The following ARFGEF2 variants were observed in gnomAD, a reference collection of about 807,000 sequenced individuals.
ARFGEF2 encodes ARF guanine nucleotide exchange factor 2, also known as brefeldin A-inhibited guanine nucleotide-exchange protein 2.
A neutral mutation model predicts 219.9 loss-of-function variants in ARFGEF2; 74 were observed. That is an observed-to-expected ratio of 0.34 (90% CI 0.28 to 0.41). ARFGEF2 has a LOEUF of 0.41. Ranked by LOEUF, ARFGEF2 falls within the 10% of genes least tolerant of loss-of-function variation. ARFGEF2 has a pLI of 1.00. For missense variants in ARFGEF2, 1,743 were observed against 2,218.3 expected, an observed-to-expected ratio of 0.79 and a Z score of 4.30; for synonymous variants, 733 against 799.2, an observed-to-expected ratio of 0.92 and a Z score of 1.40.
chr20:49,015,628 A>G (rs2091525169), intron 30 of ARFGEF2, among the ~76,000 whole-genome samples: 1 of 152,200 alleles, frequency 6.6e-6, no homozygotes, highest in Admixed American at 6.5e-5. Flanking sequence ...GCCTTTTGAT[A>G]CGTACCACTA....
rs930645577 is a variant in ARFGEF2 at position 49,023,148 on chromosome 20, A to C, written c.4722A>C (p.Lys1574Asn). Residue 1574 changes from lysine (K) to asparagine (N), a missense_variant, in exon 35 of 39, where the codon AAA (lysine) becomes AAC (asparagine). Around this residue, in one of 5 missense-constraint regions of ARFGEF2, gnomAD observed 578 missense variants for 664.0 expected, o/e 0.87. Coordinates refer to ENST00000371917, the MANE Select transcript of ARFGEF2 (RefSeq NM_006420.3). ...DNIVFYPATS[K>N]KEDAEHMVAA... Reference sequence around the variant, plus strand: ...TTGTGTTCTACCCTGCGACGAGCAAAAAGGAGGATGCAGAGCACATGGTTG... The same window carrying C: ...TTGTGTTCTACCCTGCGACGAGCAACAAGGAGGATGCAGAGCACATGGTTG... 1 of 1,614,182 alleles carries C rather than the reference A, an allele frequency of 6.2e-7. No individual in the cohort carries two copies. Among genetic ancestry groups the C allele is most frequent in the Non-Finnish European group, 8.5e-7 (1 of 1,180,028 alleles).
At chr20:48,983,803 G>A (rs1318216790) in intron 14 of ARFGEF2, among the ~76,000 whole-genome samples, 1 of 152,110 alleles carries the variant, frequency 6.6e-6, no homozygotes, top group Non-Finnish European at 1.5e-5. Flanking sequence ...GCCCCTATTT[G>A]TATCTTTCAT....
chr20:49,002,105 G>T (rs2091428602), intron 25 of ARFGEF2, among the ~76,000 whole-genome samples: 1 of 152,172 alleles, frequency 6.6e-6, no homozygotes, highest in South Asian at 2.1e-4. Context: ...GGGCGCGGTA[G>T]TGGACGCCTG....
chr20:48,954,517 G>A (rs1457354751), intron 6 of ARFGEF2, among the ~76,000 whole-genome samples: 2 of 152,132 alleles, frequency 1.3e-5, no homozygotes, highest in Admixed American at 6.5e-5. Flanking sequence ...CAAGCAGGTT[G>A]TTCTATACAA....
chr20:48,933,087 C>A (rs1043485467), intron 1 of ARFGEF2, among the ~76,000 whole-genome samples: 1 of 152,094 alleles, frequency 6.6e-6, no homozygotes, highest in East Asian at 1.9e-4. Flanking sequence ...GTGACCCGAG[C>A]GGTAACATCC....
At chr20:48,969,681 C>A (rs962758315) in intron 9 of ARFGEF2, among the ~76,000 whole-genome samples, 6 of 152,178 alleles carry the variant, frequency 3.9e-5, no homozygotes, top group Admixed American at 3.9e-4. Flanking sequence ...GCCCCAGATT[C>A]GACACAGGGA....
At chr20:49,000,709 C>T (rs1479344248) in intron 25 of ARFGEF2, among the ~76,000 whole-genome samples, 1 of 152,224 alleles carries the variant, frequency 6.6e-6, no homozygotes, top group East Asian at 1.9e-4. Context: ...TCCACAAGAT[C>T]ATTTGGCTAG....
intron 3 of ARFGEF2, among the ~76,000 whole-genome samples, chr20:48,942,475 T>G (rs911174541): frequency 1.7e-4 from 10 of 59,372 alleles, no homozygotes; most frequent in African/African-American, 1.5e-3. Context: ...CTTACTTGGT[T>G]TTTTTTTTTT....
At chr20:48,927,600 A>G (rs1406489993) in intron 1 of ARFGEF2, among the ~76,000 whole-genome samples, 2 of 151,930 alleles carry the variant, frequency 1.3e-5, no homozygotes, top group African/African-American at 4.8e-5. Flanking sequence ...AGGCAGGAGA[A>G]TTGCTTGAAC....
At chr20:48,926,923 C>G (rs567228851) in intron 1 of ARFGEF2, among the ~76,000 whole-genome samples, 2 of 152,246 alleles carry the variant, frequency 1.3e-5, no homozygotes, top group East Asian at 3.9e-4. Flanking sequence ...AGATTTGCTC[C>G]TCTGTTTAAT....
intron 1 of ARFGEF2, among the ~76,000 whole-genome samples, chr20:48,934,823 A>G (rs1400585194): frequency 6.6e-6 from 1 of 152,288 alleles, no homozygotes; most frequent in East Asian, 1.9e-4. Flanking sequence ...ATACATGTGC[A>G]TGTGTCTTTA....
rs566517971 is a variant in ARFGEF2 at position 48,994,203 on chromosome 20, C to T, written c.2974-248C>T. ...ATGAGGCTGGTGTCTTGTCGTCTCA[C>T]GAGGAGGGTGGAAAAAGGAGGTGGG... On this transcript the variant is annotated intron_variant, in intron 21 of 38. Coordinates refer to ENST00000371917, the MANE Select transcript of ARFGEF2 (RefSeq NM_006420.3). 5.3e-5 allele frequency among the ~76,000 whole-genome samples: 8 copies of T among 152,076 alleles called. No homozygotes were observed. In the South Asian group the frequency reaches 6.2e-4, roughly 12 times the overall value.
At chr20:48,955,270 G>A (rs2091098910) in intron 6 of ARFGEF2, among the ~76,000 whole-genome samples, 1 of 152,096 alleles carries the variant, frequency 6.6e-6, no homozygotes, top group Non-Finnish European at 1.5e-5. Context: ...TGCACTTACT[G>A]TCCCTTCCCT....
chr20:49,010,285 C>A lies in ARFGEF2; in HGVS notation c.3638C>A (p.Ser1213Tyr), dbSNP rs917983356. 1 of 1,614,120 alleles carries A rather than the reference C, an allele frequency of 6.2e-7. No homozygotes were observed. The highest frequency in any genetic ancestry group is 1.3e-5 in the African/African-American group (1 of 74,940). ...CGCTGCATTGCCCAGATGGTGAACTCCCAGGCGGCCAACATCCGCTCAGGT... is the reference window on the plus strand; with the variant it reads ...CGCTGCATTGCCCAGATGGTGAACTACCAGGCGGCCAACATCCGCTCAGGT... ...AIRCIAQMVN[S>Y]QAANIRSGWK... The change falls in exon 27 of 39, where the codon TCC becomes TAC. Residue 1213 changes from serine to tyrosine, a missense_variant. By Grantham distance (144) the Ser-to-Tyr change is moderately radical (BLOSUM62 -2). Coordinates refer to ENST00000371917, the MANE Select transcript of ARFGEF2 (RefSeq NM_006420.3).
intron 3 of ARFGEF2, among the ~76,000 whole-genome samples, chr20:48,950,022 G>C (rs985225768): frequency 1.1e-4 from 16 of 152,130 alleles, no homozygotes; most frequent in Non-Finnish European, 1.9e-4. Context: ...CGGAGTCCAG[G>C]AACCTGTGTT....
chr20:49,010,083 G>T, intron 26 of ARFGEF2, 149 bp from the exon 27 acceptor site: 1 of 912,682 alleles, frequency 1.1e-6, no homozygotes, highest in Non-Finnish European at 1.7e-6. Flanking sequence ...GTTTGGAATG[G>T]AAGTGAGAGG....
chr20:49,019,081 G>A (rs554555366), intron 34 of ARFGEF2, 83 bp downstream of exon 34: 232 of 1,182,322 alleles, frequency 2.0e-4, no homozygotes, highest in Admixed American at 5.2e-4. Context: ...GGGTAAACAT[G>A]ATAAGCCTTC....
chr20:49,009,469 A>C (rs2091482768), intron 26 of ARFGEF2, among the ~76,000 whole-genome samples: 1 of 152,080 alleles, frequency 6.6e-6, no homozygotes, highest in South Asian at 2.1e-4. Flanking sequence ...AAAAAAATTG[A>C]AAGTCAAACC....
At position 48,972,617 on chromosome 20, in the gene ARFGEF2, C is replaced by T. The variant is rs140727400; in HGVS notation, c.1525+192C>T. On this transcript the variant is annotated intron_variant, in intron 11 of 38. Transcript: ENST00000371917. The stretch of plus-strand genomic sequence containing the variant: ...CTTAGGCTGGTTTGCCAAGGACTTC[C>T]TGGTTTTAGCACTAAAAGTCTCATG... Among the ~76,000 whole-genome samples, 1,047 of 151,658 alleles carry T rather than the reference C, an allele frequency of 6.9e-3. 13 individuals are homozygous for T. The highest frequency in any genetic ancestry group is 0.023 in the African/African-American group (958 of 41,062).
Sources: gnomAD v4.1 joint callset for allele counts (sites outside exome capture counted in the v4.1 genomes callset) on GRCh38, gnomAD v4.1.1 for gene constraint, gnomAD v4.1.1 regional missense constraint, MANE v1.5 for transcripts, NCBI Gene and HGNC (gene_info 2026-07-23, HGNC 2026-07-21) for gene names.